MIR2052HG: variants seen among roughly 807,000 people sequenced by gnomAD.
The protein encoded by MIR2052HG is MIR2052 host gene.
At chr8:74,635,465 T>C (rs1284077118) in intron 2 of MIR2052HG, among the ~76,000 whole-genome samples, 1 of 152,046 alleles carries the variant, frequency 6.6e-6, no homozygotes, top group Non-Finnish European at 1.5e-5. Context: ...GAAAGAGAAT[T>C]ACAAGTGAAA....
At chr8:74,604,156 C>T in intron 1 of MIR2052HG, 1 of 890,364 alleles carries the variant, frequency 1.1e-6, no homozygotes, top group Non-Finnish European at 1.9e-6. Flanking sequence ...TCCTTTCTTT[C>T]CGATGATACT....
intron 5 of MIR2052HG, chr8:74,756,553 A>T (rs1810001894): frequency 6.6e-6 from 1 of 152,188 alleles, no homozygotes; most frequent in Non-Finnish European, 1.5e-5. Flanking sequence ...TTTCATCCCT[A>T]CTTTTTAACA....
At chr8:74,657,899 T>C (rs1458457549) in intron 2 of MIR2052HG, among the ~76,000 whole-genome samples, 1 of 152,134 alleles carries the variant, frequency 6.6e-6, no homozygotes, top group Admixed American at 6.6e-5. Flanking sequence ...AATCAGAATC[T>C]GCATTTTCAC....
intron 4 of MIR2052HG, among the ~76,000 whole-genome samples, chr8:74,733,226 C>T (rs1337263346): frequency 6.6e-6 from 1 of 151,996 alleles, no homozygotes; most frequent in Admixed American, 6.6e-5. Flanking sequence ...AGCTATCCCT[C>T]CCCGCTCTCC....
intron 4 of MIR2052HG, among the ~76,000 whole-genome samples, chr8:74,735,692 C>T (rs1405602339): frequency 1.3e-5 from 2 of 152,198 alleles, no homozygotes; most frequent in African/African-American, 4.8e-5. Context: ...TGGCCTTACA[C>T]ATAACTTTGT....
At chr8:74,652,397 A>T (rs944979270) in intron 2 of MIR2052HG, among the ~76,000 whole-genome samples, 2 of 152,180 alleles carry the variant, frequency 1.3e-5, no homozygotes, top group African/African-American at 4.8e-5. Context: ...GGGAGCCTGT[A>T]TCAGTCTAGG....
chr8:74,711,222 C>T (rs1809465024), intron 4 of MIR2052HG, among the ~76,000 whole-genome samples: 1 of 152,170 alleles, frequency 6.6e-6, no homozygotes, highest in South Asian at 2.1e-4. Context: ...TCCTGGCTCT[C>T]TGTGCATCTG....
chr8:74,644,775 C>T (rs1055728528), intron 2 of MIR2052HG, among the ~76,000 whole-genome samples: 1 of 151,946 alleles, frequency 6.6e-6, no homozygotes, highest in African/African-American at 2.4e-5. Flanking sequence ...CCTGTGGTCC[C>T]AGCTACTTGG....
chr8:74,724,226 T>C (rs9298242), intron 4 of MIR2052HG, among the ~76,000 whole-genome samples: 35,325 of 151,978 alleles, frequency 0.23, 5,263 homozygotes, highest in East Asian at 0.64. Flanking sequence ...GATTTAGCAA[T>C]AGTATTAAAG....
At chr8:74,616,545 C>G (rs73337234) in intron 2 of MIR2052HG, among the ~76,000 whole-genome samples, 3,694 of 151,626 alleles carry the variant, frequency 0.024, 135 homozygotes, top group African/African-American at 0.08. Context: ...ACTCTGAGGA[C>G]GTTATGTTTA....
At chr8:74,696,080 C>A (rs1176685988) in intron 2 of MIR2052HG, among the ~76,000 whole-genome samples, 2 of 152,084 alleles carry the variant, frequency 1.3e-5, no homozygotes, top group Admixed American at 1.3e-4. Context: ...GGCCACAAAA[C>A]AGGTCTCAAC....
At chr8:74,635,240 AT>A (rs199652112) in intron 2 of MIR2052HG, among the ~76,000 whole-genome samples, 9,274 of 144,942 alleles carry the variant, frequency 0.064, 276 homozygotes, top group African/African-American at 0.066. Flanking sequence ...ACAAAAACAG[AT>A]TTTTTTTTTT....
intron 2 of MIR2052HG, among the ~76,000 whole-genome samples, chr8:74,668,943 T>A (rs1305567029): frequency 3.3e-5 from 5 of 152,186 alleles, no homozygotes; most frequent in Non-Finnish European, 7.3e-5. Context: ...TTTCCCTTTC[T>A]TGTCACAGCT....
At chr8:74,726,979 T>C (rs72667598) in intron 4 of MIR2052HG, among the ~76,000 whole-genome samples, 5,103 of 152,272 alleles carry the variant, frequency 0.034, 130 homozygotes, top group South Asian at 0.061. Flanking sequence ...GAATTGAAAA[T>C]GAACATTACA....
chr8:74,635,730 C>T (rs1376864480), intron 2 of MIR2052HG, among the ~76,000 whole-genome samples: 1 of 152,110 alleles, frequency 6.6e-6, no homozygotes, highest in Admixed American at 6.6e-5. Flanking sequence ...TGAAATCCAA[C>T]CTTTGGTCAG....
At chr8:74,694,502 C>A (rs1809275857) in intron 2 of MIR2052HG, among the ~76,000 whole-genome samples, 1 of 152,120 alleles carries the variant, frequency 6.6e-6, no homozygotes. Flanking sequence ...GGATCCAAAC[C>A]AAGAAGTAAT....
intron 2 of MIR2052HG, among the ~76,000 whole-genome samples, chr8:74,679,133 G>A (rs1809090221): frequency 1.3e-5 from 2 of 152,062 alleles, no homozygotes; most frequent in South Asian, 2.1e-4. Flanking sequence ...GGGAACAGGT[G>A]GTTTTTTGTT....
At chr8:74,715,919 A>G (rs1809515895) in intron 4 of MIR2052HG, among the ~76,000 whole-genome samples, 1 of 152,212 alleles carries the variant, frequency 6.6e-6, no homozygotes, top group South Asian at 2.1e-4. Context: ...TGTATGCAAA[A>G]TTAATTTTTC....
chr8:74,613,783 GGC>G (rs1273067471), intron 2 of MIR2052HG, among the ~76,000 whole-genome samples: 2 of 152,148 alleles, frequency 1.3e-5, no homozygotes, highest in Non-Finnish European at 2.9e-5. Flanking sequence ...TGCCATGCCT[GGC>G]CTGCAGGGAT....
Sources: allele counts gnomAD v4.1 joint callset (sites outside exome capture counted in the v4.1 genomes callset), GRCh38; gene constraint gnomAD v4.1.1; transcripts MANE v1.5; gene names NCBI Gene and HGNC (gene_info 2026-07-23, HGNC 2026-07-21).